MEI4: variants seen among roughly 807,000 people sequenced by gnomAD.
The protein encoded by MEI4 is meiosis-specific protein MEI4.
Under a neutral mutation model 31.4 loss-of-function variants are expected in MEI4, and 27 were observed. The ratio of observed to expected loss-of-function variants is 0.86; its 90% CI spans 0.63 to 1.19. The LOEUF (loss-of-function observed/expected upper bound fraction) is 1.19. MEI4 is among the 50% of genes most tolerant of loss of function. The pLI, the probability that MEI4 is intolerant of heterozygous loss-of-function variation, is 0.00. For missense variants in MEI4, 329 were observed against 398.9 expected (o/e 0.82, Z 1.49); for synonymous variants, 122 against 145.4 (o/e 0.84, Z 1.16).
chr6:77,796,961 TA>T (rs1769094090), intron 3 of MEI4, among the ~76,000 whole-genome samples: 1 of 152,114 alleles, frequency 6.6e-6, no homozygotes, highest in African/African-American at 2.4e-5. Context: ...GATAGTAATA[TA>T]AACAGGGTGA....
intron 2 of MEI4, among the ~76,000 whole-genome samples, chr6:77,700,102 A>G (rs1766180164): frequency 1.3e-5 from 2 of 152,152 alleles, no homozygotes; most frequent in Admixed American, 6.5e-5. Flanking sequence ...TGCTGGGAGA[A>G]CCACTACTCT....
intron 3 of MEI4, among the ~76,000 whole-genome samples, chr6:77,809,562 G>A (rs1159812612): frequency 6.6e-6 from 1 of 152,120 alleles, no homozygotes; most frequent in Non-Finnish European, 1.5e-5. Context: ...AATCTTGCAT[G>A]GTTTACAGGA....
chr6:77,746,696 G>A (rs1057367329), intron 2 of MEI4, among the ~76,000 whole-genome samples: 2 of 145,164 alleles, frequency 1.4e-5, no homozygotes, highest in Non-Finnish European at 3.0e-5. Flanking sequence ...CATATATTTC[G>A]GTTTCTCTGA....
intron 1 of MEI4, among the ~76,000 whole-genome samples, chr6:77,688,975 T>A (rs1769109203): frequency 6.6e-6 from 1 of 152,084 alleles, no homozygotes; most frequent in South Asian, 2.1e-4. Flanking sequence ...TTGTTCATCT[T>A]GACAGTATCT....
chr6:77,861,841 T>C (rs1198139482), intron 4 of MEI4, among the ~76,000 whole-genome samples: 1 of 152,214 alleles, frequency 6.6e-6, no homozygotes, highest in Non-Finnish European at 1.5e-5. Context: ...AAATACTTCA[T>C]GATAGTTCTT....
At chr6:77,687,144 A>T (rs1432532430) in intron 1 of MEI4, among the ~76,000 whole-genome samples, 1 of 152,042 alleles carries the variant, frequency 6.6e-6, no homozygotes, top group African/African-American at 2.4e-5. Flanking sequence ...CCCCATGGGG[A>T]ATGTTACTAT....
At chr6:77,728,410 C>G (rs1481029065) in intron 2 of MEI4, among the ~76,000 whole-genome samples, 1 of 152,154 alleles carries the variant, frequency 6.6e-6, no homozygotes, top group South Asian at 2.1e-4. Context: ...GGGTTATATG[C>G]ATGTTCATTT....
intron 4 of MEI4, among the ~76,000 whole-genome samples, chr6:77,868,027 A>G (rs1332660658): frequency 2.7e-5 from 4 of 150,242 alleles, no homozygotes; most frequent in East Asian, 2.1e-4. Flanking sequence ...ATGAGAACAC[A>G]TGGACACAGG....
chr6:77,781,811 T>G (rs1264093923), intron 3 of MEI4, among the ~76,000 whole-genome samples: 1 of 152,168 alleles, frequency 6.6e-6, no homozygotes, highest in Non-Finnish European at 1.5e-5. Flanking sequence ...TTGTCAAAGC[T>G]ATGGTTTCCT....
chr6:77,904,515 T>C (rs1766250954), intron 4 of MEI4, among the ~76,000 whole-genome samples: 1 of 152,102 alleles, frequency 6.6e-6, no homozygotes, highest in African/African-American at 2.4e-5. Flanking sequence ...TTTTTGTCCA[T>C]GTGTACTCAA....
chr6:77,659,722 G>A (rs1768466237), intron 1 of MEI4, among the ~76,000 whole-genome samples: 1 of 152,124 alleles, frequency 6.6e-6, no homozygotes, highest in African/African-American at 2.4e-5. Context: ...AAGTTTGTCA[G>A]TATTGATAGA....
intron 4 of MEI4, among the ~76,000 whole-genome samples, chr6:77,837,929 A>T (rs1353361614): frequency 6.6e-6 from 1 of 152,146 alleles, no homozygotes; most frequent in Non-Finnish European, 1.5e-5. Context: ...AATCGTTTTA[A>T]GCCTCAGTTT....
intron 4 of MEI4, among the ~76,000 whole-genome samples, chr6:77,920,776 C>T (rs1302348901): frequency 4.6e-5 from 7 of 151,824 alleles, no homozygotes; most frequent in Non-Finnish European, 1.5e-5. Flanking sequence ...CTTTATGCAT[C>T]CATCAGAGCT....
rs531300755 is a variant in MEI4, at chr6:77,913,951, G to A, written c.901-9138G>A. Among the ~76,000 whole-genome samples, 334 of 150,198 alleles carry A rather than the reference G, an allele frequency of 2.2e-3. 3 individuals are homozygous for A. The highest frequency in any genetic ancestry group is 0.02 in the South Asian group (95 of 4,752). On this transcript the variant is annotated intron_variant, in intron 4 of 4. Transcript: ENST00000684080. ...CCAGAGGCTAAGGCAGGAGAATGGCGTGAATCCAGGAGGTGGAGCTTGCAG... is the reference window on the plus strand; with the variant it reads ...CCAGAGGCTAAGGCAGGAGAATGGCATGAATCCAGGAGGTGGAGCTTGCAG...
chr6:77,790,311 G>T (rs1474163093), intron 3 of MEI4, among the ~76,000 whole-genome samples: 1 of 151,120 alleles, frequency 6.6e-6, no homozygotes, highest in Non-Finnish European at 1.5e-5. Context: ...TAAATGACGA[G>T]TTAATGGGTG....
At chr6:77,851,712 A>G (rs1770628835) in intron 4 of MEI4, among the ~76,000 whole-genome samples, 2 of 151,968 alleles carry the variant, frequency 1.3e-5, no homozygotes, top group African/African-American at 2.4e-5. Flanking sequence ...CGGCACACCA[A>G]CATGGTACAT....
At chr6:77,739,003 A>G (rs1454804642) in intron 2 of MEI4, among the ~76,000 whole-genome samples, 3 of 152,110 alleles carry the variant, frequency 2.0e-5, no homozygotes, top group South Asian at 2.1e-4. Flanking sequence ...AGATGGGTAG[A>G]TTGCAAAAAT....
rs568578731 is a variant in MEI4 at position 77,696,578 on chromosome 6, C to T, written c.232+5675C>T. ...ATGCTGGATTACATTTATTGATTTG[C>T]GTATATTGAACCAGCCTTGCATCCC... On this transcript the variant is annotated intron_variant, in intron 2 of 4. Coordinates refer to ENST00000684080, the MANE Select transcript of MEI4 (RefSeq NM_001322247.2). Among the ~76,000 whole-genome samples, 785 of 149,974 alleles carry T rather than the reference C, an allele frequency of 5.2e-3. 5 individuals are homozygous for T. The highest frequency in any genetic ancestry group is 0.019 in the African/African-American group (758 of 40,670).
chr6:77,820,218 C>T lies in MEI4; in HGVS notation c.769-8713C>T, dbSNP rs1769783716. ...ACAGACCTCTTCAGAATATCAAACA[C>T]AAAGAGACTCCTGGGACTGGTTTTT... is the stretch of plus-strand genomic sequence containing the variant. On this transcript the variant is annotated intron_variant, in intron 3 of 4. Coordinates refer to ENST00000684080, the MANE Select transcript of MEI4 (RefSeq NM_001322247.2). The surrounding 1 kb of genome is among the most constrained non-coding windows in gnomAD (Gnocchi z 4.5). Among the ~76,000 whole-genome samples, 1 of 151,974 alleles carries T rather than the reference C, an allele frequency of 6.6e-6. No individual in the cohort carries two copies. The highest frequency in any genetic ancestry group is 2.4e-5 in the African/African-American group (1 of 41,418).
Sources: gnomAD v4.1 joint callset for allele counts (sites outside exome capture counted in the v4.1 genomes callset) on GRCh38, gnomAD v4.1.1 for gene constraint, Gnocchi (gnomAD v3.1) non-coding constraint, MANE v1.5 for transcripts, NCBI Gene and HGNC (gene_info 2026-07-23, HGNC 2026-07-21) for gene names.